RYR2: variants seen among roughly 807,000 people sequenced by gnomAD.
RYR2 encodes ryanodine receptor 2.
RYR2 carries 227 observed loss-of-function variants against 601.1 expected under a neutral mutation model. The ratio of observed to expected loss-of-function variants is 0.38; its 90% CI spans 0.34 to 0.42. The LOEUF (loss-of-function observed/expected upper bound fraction) is 0.42, where lower values mean the gene tolerates loss of function less well. RYR2 is among the 10% of genes least tolerant of loss of function. The pLI is 1.00. For synonymous variants in RYR2, 2,223 were observed against 2,175.1 expected, an observed-to-expected ratio of 1.02 and a Z score of -0.61; for missense variants, 4,646 against 6,156.5, an observed-to-expected ratio of 0.75 and a Z score of 8.21.
At chr1:237,670,097 G>A (rs1422922961) in intron 58 of RYR2, among the ~76,000 whole-genome samples, 1 of 152,120 alleles carries the variant, frequency 6.6e-6, no homozygotes, top group Non-Finnish European at 1.5e-5. Flanking sequence ...GACCGGCCTG[G>A]CCAACACAGC....
At chr1:237,356,399 TTA>T (rs1699296383) in intron 4 of RYR2, among the ~76,000 whole-genome samples, 1 of 151,194 alleles carries the variant, frequency 6.6e-6, no homozygotes, top group Non-Finnish European at 1.5e-5. Context: ...AAGAAGACAA[TTA>T]TATATATAGT....
At chr1:237,310,046 A>G (rs1694374253) in intron 2 of RYR2, among the ~76,000 whole-genome samples, 1 of 152,196 alleles carries the variant, frequency 6.6e-6, no homozygotes, top group African/African-American at 2.4e-5. Flanking sequence ...CGGCCAGCAC[A>G]GAGAAGGGCT....
chr1:237,142,571 A>C (rs760700510), intron 1 of RYR2, among the ~76,000 whole-genome samples: 1 of 152,176 alleles, frequency 6.6e-6, no homozygotes, highest in Non-Finnish European at 1.5e-5. Flanking sequence ...TGACTGCTGC[A>C]GTGCTGCCAG....
intron 56 of RYR2, among the ~76,000 whole-genome samples, chr1:237,661,828 A>G (rs1683828805): frequency 6.6e-6 from 1 of 152,176 alleles, no homozygotes; most frequent in Non-Finnish European, 1.5e-5. Context: ...TTCGGTGCTC[A>G]AGGTGGCAAG....
At chr1:237,558,162 C>G (rs745976691) in intron 27 of RYR2, among the ~76,000 whole-genome samples, 58 of 152,082 alleles carry the variant, frequency 3.8e-4, no homozygotes, top group Admixed American at 1.3e-4. Flanking sequence ...GGAACAACAA[C>G]ACTTATTCCC....
chr1:237,381,846 C>A (rs565408891), intron 8 of RYR2, among the ~76,000 whole-genome samples: 1 of 152,214 alleles, frequency 6.6e-6, no homozygotes, highest in South Asian at 2.1e-4. Context: ...CTCATTTTTG[C>A]TGTTTTATGT....
At chr1:237,565,109 CTT>C (rs1323236728) in intron 27 of RYR2, among the ~76,000 whole-genome samples, 1 of 85,950 alleles carries the variant, frequency 1.2e-5, no homozygotes, top group African/African-American at 3.5e-5. Context: ...TCTTTTCTTT[CTT>C]TCTTTTTCTT....
chr1:237,304,593 T>G (rs1288060865), intron 2 of RYR2, among the ~76,000 whole-genome samples: 1 of 152,208 alleles, frequency 6.6e-6, no homozygotes, highest in East Asian at 1.9e-4. Flanking sequence ...CTTCCATTTC[T>G]GGGTGTGGGG....
intron 99 of RYR2, among the ~76,000 whole-genome samples, chr1:237,807,366 T>G (rs1028737938): frequency 1.2e-4 from 19 of 152,176 alleles, no homozygotes; most frequent in Admixed American, 9.8e-4. Flanking sequence ...TTTGTTTGTT[T>G]TTAAGACAGA....
Position 237,700,251 on chromosome 1 carries a change from G to C in RYR2, c.9151G>C (p.Glu3051Gln). ...DARTVMKTGL[E>Q]SVKSALRAFL... Reference sequence around the variant, plus strand: ...TAGGACAGTGATGAAGACTGGCCTGGAGAGTGTTAAAAGTGCACTCAGAGC... The same window carrying C: ...TAGGACAGTGATGAAGACTGGCCTGCAGAGTGTTAAAAGTGCACTCAGAGC... Residue 3051 changes from glutamate (E) to glutamine (Q), a missense_variant, in exon 65 of 105, where the codon GAG becomes CAG. By Grantham distance (29) the Glu-to-Gln change is conservative. This residue lies in a region of RYR2 where 1,497 missense variants were observed against 1,842.6 expected (regional missense o/e 0.81). Transcript: ENST00000366574. The C allele has an allele frequency of 6.4e-7, 1 of 1,572,000 alleles. No individual in the cohort carries two copies. The highest frequency in any genetic ancestry group is 8.6e-7 in the Non-Finnish European group (1 of 1,157,200).
At chr1:237,667,858 C>A (rs185427950) in intron 57 of RYR2, 25 bp from the exon 58 acceptor site, 1 of 1,509,606 alleles carries the variant, frequency 6.6e-7, no homozygotes, top group Non-Finnish European at 9.0e-7. Context: ...CTTATTGAAA[C>A]GATAAATATT....
Position 237,709,456 on chromosome 1 carries a change from C to T in RYR2, c.10143-24C>T, listed in dbSNP as rs114852579. On this transcript the variant is annotated intron_variant, in intron 69 of 104. Transcript: ENST00000366574. ...TAACTTTAAGGAGTAGCTGAGAAACCACTTTATTTATTATGTGATCCAGGG... is the reference window on the plus strand; with the variant it reads ...TAACTTTAAGGAGTAGCTGAGAAACTACTTTATTTATTATGTGATCCAGGG... 1,238 of 1,496,808 alleles carry T rather than the reference C, an allele frequency of 8.3e-4. 12 individuals carry two copies. In the African/African-American group the frequency reaches 0.015, roughly 18 times the overall value. 92.7% of individuals were successfully genotyped at this position (1,496,808 alleles called of 1,614,324 possible).
chr1:237,765,316 GA>G (rs1289348302), intron 84 of RYR2, among the ~76,000 whole-genome samples: 5 of 117,458 alleles, frequency 4.3e-5, no homozygotes, highest in African/African-American at 1.8e-4. Flanking sequence ...AGAAGATACT[GA>G]ATTTTTTTTT....
intron 91 of RYR2, among the ~76,000 whole-genome samples, chr1:237,786,597 C>T (rs1232034464): frequency 6.6e-6 from 1 of 152,166 alleles, no homozygotes; most frequent in Admixed American, 6.5e-5. Context: ...CACCAACACT[C>T]CTGGGATCAA....
intron 1 of RYR2, among the ~76,000 whole-genome samples, chr1:237,211,955 G>A (rs535573908): frequency 6.6e-6 from 1 of 152,238 alleles, no homozygotes; most frequent in South Asian, 2.1e-4. Context: ...GATGAGAGAA[G>A]TTAAAATATT....
chr1:237,107,269 T>C (rs555152210), intron 1 of RYR2, among the ~76,000 whole-genome samples: 134 of 152,118 alleles, frequency 8.8e-4, no homozygotes, highest in Middle Eastern at 3.4e-3. Context: ...ATAGAAAACA[T>C]TGTAGGTTCT....
intron 1 of RYR2, among the ~76,000 whole-genome samples, chr1:237,255,856 TGTG>T (rs1687912318): frequency 6.6e-6 from 1 of 151,784 alleles, no homozygotes; most frequent in East Asian, 1.9e-4. Flanking sequence ...TGTGTGTGTG[TGTG>T]TGTGTGTGTG....
intron 17 of RYR2, among the ~76,000 whole-genome samples, chr1:237,478,457 A>C (rs575339113): frequency 2.0e-5 from 3 of 152,212 alleles, no homozygotes; most frequent in Non-Finnish European, 4.4e-5. Context: ...GTACGCACCT[A>C]GCACCTTTTA....
At position 237,586,256 on chromosome 1, in the gene RYR2, G is replaced by C. The variant is rs191639389; in HGVS notation, c.3599-3537G>C. 2.5e-3 allele frequency among the ~76,000 whole-genome samples: 386 copies of C among 152,020 alleles called. 3 individuals are homozygous for C. The highest frequency in any genetic ancestry group is 8.9e-3 in the African/African-American group (368 of 41,456). On this transcript the variant is annotated intron_variant, in intron 29 of 104. Transcript: ENST00000366574. Reference sequence around the variant, plus strand: ...TTTATCTCTCTCTACAGTTTATTTTGTTGAGCCCTAAAGATGACTTTTAAT... The same window carrying C: ...TTTATCTCTCTCTACAGTTTATTTTCTTGAGCCCTAAAGATGACTTTTAAT...
Sources: gnomAD v4.1 joint callset for allele counts (sites outside exome capture counted in the v4.1 genomes callset) on GRCh38, gnomAD v4.1.1 for gene constraint, gnomAD v4.1.1 regional missense constraint, MANE v1.5 for transcripts, NCBI Gene and HGNC (gene_info 2026-07-23, HGNC 2026-07-21) for gene names.